GNG4: variants seen among roughly 807,000 people sequenced by gnomAD.
GNG4 encodes the protein G protein subunit gamma 4, also known as guanine nucleotide-binding protein G(I)/G(S)/G(O) subunit gamma-4.
GNG4 carries 4 observed loss-of-function variants against 5.8 expected under a neutral mutation model. The observed-to-expected ratio is 0.69, with a 90% CI of 0.34 to 1.57. The LOEUF is 1.57. Among genes scored for constraint, GNG4 ranks in the 40% most tolerant of loss-of-function variants. The probability of loss-of-function intolerance (pLI) is 0.06; values close to 1 mark genes in which losing one functional copy is unlikely to be tolerated. For missense variants in GNG4, 96 were observed against 95.1 expected (o/e 1.01, Z -0.04); for synonymous variants, 29 against 32.9 (o/e 0.88, Z 0.41).
intron 1 of GNG4, chr1:235,616,360 G>C: frequency 2.4e-6 from 1 of 419,934 alleles, no homozygotes; most frequent in Non-Finnish European, 4.6e-6. Flanking sequence ...CCGTCATGCT[G>C]GTCCTCGTGA....
intron 3 of GNG4, among the ~76,000 whole-genome samples, chr1:235,557,006 G>A (rs986127466): frequency 1.3e-5 from 2 of 152,104 alleles, no homozygotes; most frequent in East Asian, 3.9e-4. Context: ...AGCTCAAGCG[G>A]TAATGCAACC....
chr1:235,647,863 T>G (rs1457893137), intron 1 of GNG4, among the ~76,000 whole-genome samples: 1 of 152,198 alleles, frequency 6.6e-6, no homozygotes, highest in African/African-American at 2.4e-5. Flanking sequence ...ATCGGACTCC[T>G]GACCTCAAGT....
At chr1:235,637,653 CAAAAAAAA>C (rs5781837) in intron 1 of GNG4, among the ~76,000 whole-genome samples, 1 of 116,326 alleles carries the variant, frequency 8.6e-6, no homozygotes, top group Non-Finnish European at 1.8e-5. Context: ...GACCTTGTCT[CAAAAAAAA>C]AAAAAAAAAA....
chr1:235,583,815 G>A lies in GNG4; in HGVS notation c.24C>T (p.Asn8=), dbSNP rs759066128. 1.2e-6 allele frequency: 2 copies of A among 1,613,128 alleles called. No individual in the cohort carries two copies. The highest frequency in any genetic ancestry group is 1.3e-5 in the African/African-American group (1 of 74,922). ...TGGCTTGGGAGATGCTAGTGGTGCT[G>A]TTATTAGACATGCCCTCTTTCATTC... MKEGMSN[N]STTSISQARK... The change falls in exon 3 of 4, where the codon AAC becomes AAT. Residue 8 remains asparagine, a synonymous_variant. Coordinates refer to ENST00000391854, the MANE Select transcript of GNG4 (RefSeq NM_001098722.2).
chr1:235,632,333 C>T (rs992621990), intron 1 of GNG4, among the ~76,000 whole-genome samples: 9 of 151,654 alleles, frequency 5.9e-5, no homozygotes, highest in Non-Finnish European at 1.2e-4. Context: ...GCGATCTTCC[C>T]ACCCTGGCCT....
chr1:235,619,172 T>C (rs1558499264), intron 1 of GNG4, among the ~76,000 whole-genome samples: 1 of 90,896 alleles, frequency 1.1e-5, no homozygotes, highest in Admixed American at 1.3e-4. Flanking sequence ...TATATATATA[T>C]ATATACACAC....
chr1:235,646,814 G>A (rs1184292466), intron 1 of GNG4, among the ~76,000 whole-genome samples: 1 of 152,210 alleles, frequency 6.6e-6, no homozygotes, highest in Admixed American at 6.5e-5. Context: ...AATTTGGAAC[G>A]CTCCAGCAAG....
intron 2 of GNG4, among the ~76,000 whole-genome samples, chr1:235,584,926 TTTAA>T (rs2102942859): frequency 1.3e-5 from 2 of 152,336 alleles, no homozygotes; most frequent in South Asian, 2.1e-4. Flanking sequence ...ATTGTATTAA[TTTAA>T]TTGAGTATGT....
chr1:235,608,687 ATTTTTTT>A (rs58183552), intron 1 of GNG4, among the ~76,000 whole-genome samples: 1 of 143,410 alleles, frequency 7.0e-6, no homozygotes, highest in South Asian at 2.2e-4. Flanking sequence ...TTTATTTTTT[ATTTTTTT>A]TTTTTTTGAG....
intron 3 of GNG4, among the ~76,000 whole-genome samples, chr1:235,559,238 T>G (rs899774066): frequency 2.0e-5 from 3 of 152,206 alleles, no homozygotes; most frequent in Non-Finnish European, 4.4e-5. Context: ...TACAGCCAGG[T>G]TGCAGCCAGC....
Position 235,593,196 on chromosome 1 carries a change from G to A in GNG4, c.-11+2204C>T, listed in dbSNP as rs149721714. 8.8e-3 allele frequency among the ~76,000 whole-genome samples: 1,344 copies of A among 152,224 alleles called. 22 individuals are homozygous for A. The highest frequency in any genetic ancestry group is 0.031 in the African/African-American group (1,283 of 41,538). On this transcript the variant is annotated intron_variant, in intron 2 of 3. Transcript: ENST00000391854. Reference sequence around the variant, plus strand: ...ACTCCTGACCTCAGGTCATCCACCCGTCTTGGCCTCCCAAATTGCTGGAAT... The same window carrying A: ...ACTCCTGACCTCAGGTCATCCACCCATCTTGGCCTCCCAAATTGCTGGAAT...
chr1:235,614,956 G>A (rs1688557921), intron 1 of GNG4: 1 of 152,724 alleles, frequency 6.5e-6, no homozygotes, highest in Non-Finnish European at 1.5e-5. Context: ...TTTAGTTCTG[G>A]AGACTGCTTT....
intron 2 of GNG4, among the ~76,000 whole-genome samples, chr1:235,587,360 GGTGTGT>G (rs71843799): frequency 4.5e-5 from 4 of 89,594 alleles, no homozygotes; most frequent in African/African-American, 1.1e-4. Flanking sequence ...TCAGGGGTGG[GGTGTGT>G]GTGAGTGTGT....
chr1:235,606,815 C>T (rs1021780285), intron 1 of GNG4, among the ~76,000 whole-genome samples: 2 of 151,964 alleles, frequency 1.3e-5, no homozygotes, highest in Admixed American at 1.3e-4. Context: ...GGTCAGAAGG[C>T]TGGGCTGCGT....
chr1:235,597,812 G>C (rs925717568), intron 1 of GNG4, among the ~76,000 whole-genome samples: 47 of 151,996 alleles, frequency 3.1e-4, no homozygotes, highest in African/African-American at 1.1e-3. Context: ...TATTTTTGTA[G>C]AGACAGGGTT....
In GNG4 at chr1:235,580,744, TTG is replaced by T. The variant is rs1455290507; in HGVS notation, c.99+2994_99+2995del. The stretch of plus-strand genomic sequence containing the variant: ...GCAACATGGCGGCCTATCCCGTTTT[TTG>T]TTTTTTTTTTTTTTTTTTTCCTGAG... On this transcript the variant is annotated intron_variant, in intron 3 of 3. Transcript: ENST00000391854. 6.5e-4 allele frequency among the ~76,000 whole-genome samples: 87 copies of T among 133,822 alleles called. 18 individuals are homozygous for T. Among genetic ancestry groups the T allele is most frequent in the African/African-American group, 2.0e-3 (61 of 29,860 alleles). The allele number at this position is 133,822 out of a possible 152,430, so 87.8% of individuals were successfully genotyped here. A position where few individuals can be genotyped will look rare whatever the true frequency, so the allele number is the denominator to read the frequency against.
chr1:235,647,480 T>C (rs1192556587), intron 1 of GNG4, among the ~76,000 whole-genome samples: 1 of 152,102 alleles, frequency 6.6e-6, no homozygotes, highest in African/African-American at 2.4e-5. Context: ...AAAGAAGAAA[T>C]TGTTGGGTAC....
At chr1:235,562,686 G>GAAAAA (rs1687099445) in intron 3 of GNG4, among the ~76,000 whole-genome samples, 17 of 125,918 alleles carry the variant, frequency 1.4e-4, no homozygotes, top group Non-Finnish European at 1.8e-4. Context: ...AAAAAAAAAA[G>GAAAAA]AAGAAAATTT....
intron 1 of GNG4, among the ~76,000 whole-genome samples, chr1:235,599,292 T>TTTG (rs1688197290): frequency 6.7e-6 from 1 of 150,306 alleles, no homozygotes; most frequent in East Asian, 2.0e-4. Context: ...TGCGGGTTTT[T>TTTG]TTGTTGTCGT....
Sources: gnomAD v4.1 joint callset for allele counts (sites outside exome capture counted in the v4.1 genomes callset) on GRCh38, gnomAD v4.1.1 for gene constraint, MANE v1.5 for transcripts, NCBI Gene and HGNC (gene_info 2026-07-23, HGNC 2026-07-21) for gene names.